Variants in GBE1 observed in about 807,000 individuals in gnomAD.
GBE1 encodes 1,4-alpha-glucan-branching enzyme.
GBE1 carries 70 observed loss-of-function variants against 88.8 expected under a neutral mutation model. That is an observed-to-expected ratio of 0.79 (90% CI 0.65 to 0.96). GBE1 has a LOEUF of 0.96. GBE1 is among the 40% of genes least tolerant of loss of function. The pLI is 0.00. For synonymous variants in GBE1, 284 were observed against 300.1 expected, an observed-to-expected ratio of 0.95 and a Z score of 0.56; for missense variants, 872 against 871.0, an observed-to-expected ratio of 1.00 and a Z score of -0.01.
intron 7 of GBE1, among the ~76,000 whole-genome samples, chr3:81,640,172 T>A (rs1051722126): frequency 6.6e-6 from 1 of 152,114 alleles, no homozygotes; most frequent in African/African-American, 2.4e-5. Context: ...CTTGATTGGA[T>A]TGAAGGATGC....
intron 1 of GBE1, among the ~76,000 whole-genome samples, chr3:81,746,356 A>G (rs745488191): frequency 1.3e-5 from 2 of 152,056 alleles, no homozygotes; most frequent in Non-Finnish European, 2.9e-5. Flanking sequence ...TTGACTTCCC[A>G]GGCTCAAGCA....
chr3:81,527,439 C>A lies in GBE1; in HGVS notation c.1934+7756G>T, dbSNP rs565465997. Among the ~76,000 whole-genome samples the A allele has an allele frequency of 7.2e-5, 11 of 152,078 alleles. 1 individual carries two copies. The South Asian group carries it at 2.3e-3, about 32-fold the overall frequency. Reference sequence around the variant, plus strand: ...ACCATCAGAGTGAACAGGCAACTTACAGAATGGGAGAAAATTTTTGCAATC... The same window carrying A: ...ACCATCAGAGTGAACAGGCAACTTAAAGAATGGGAGAAAATTTTTGCAATC... On this transcript the variant is annotated intron_variant, in intron 14 of 15. Coordinates refer to ENST00000429644, the MANE Select transcript of GBE1 (RefSeq NM_000158.4).
At chr3:81,670,581 A>G (rs942098999) in intron 3 of GBE1, among the ~76,000 whole-genome samples, 1 of 152,182 alleles carries the variant, frequency 6.6e-6, no homozygotes, top group Non-Finnish European at 1.5e-5. Flanking sequence ...CACTTTTAAT[A>G]TATCATTTCT....
At chr3:81,572,470 G>T (rs867808554) in intron 12 of GBE1, among the ~76,000 whole-genome samples, 23 of 151,914 alleles carry the variant, frequency 1.5e-4, no homozygotes, top group Middle Eastern at 6.8e-3. Flanking sequence ...TTTTTAAGCA[G>T]GTTATTTTTT....
rs963268604 is a variant in GBE1, at chr3:81,609,900, G to T, written c.993-15877C>A. 1.2e-4 allele frequency among the ~76,000 whole-genome samples: 19 copies of T among 152,182 alleles called. 1 individual carries two copies. The highest frequency in any genetic ancestry group is 4.6e-4 in the African/African-American group (19 of 41,540). ...GAGCTCAAATTTGGCACTCAGACTT[G>T]TTACTAACATAAAAACGTGATTGAA... On this transcript the variant is annotated intron_variant, in intron 7 of 15. Transcript: ENST00000429644.
At chr3:81,548,317 G>A (rs1445301904) in intron 12 of GBE1, among the ~76,000 whole-genome samples, 4 of 151,426 alleles carry the variant, frequency 2.6e-5, no homozygotes, top group Admixed American at 2.6e-4. Context: ...ATGTCAATGA[G>A]TTTTATTAAG....
intron 7 of GBE1, among the ~76,000 whole-genome samples, chr3:81,616,270 A>G (rs1353646127): frequency 6.6e-6 from 1 of 152,186 alleles, no homozygotes; most frequent in African/African-American, 2.4e-5. Flanking sequence ...TCTCATGTCA[A>G]GTCTAAGAAC....
intron 12 of GBE1, among the ~76,000 whole-genome samples, chr3:81,564,323 T>C (rs1248601682): frequency 6.6e-6 from 1 of 151,946 alleles, no homozygotes; most frequent in Non-Finnish European, 1.5e-5. Context: ...TTCCTATGGT[T>C]CTCACTCCAT....
intron 7 of GBE1, among the ~76,000 whole-genome samples, chr3:81,602,886 A>G (rs1483139486): frequency 6.6e-6 from 1 of 152,158 alleles, no homozygotes; most frequent in Non-Finnish European, 1.5e-5. Context: ...AGCAGCACAC[A>G]TATCTAGAAA....
At chr3:81,535,522 G>A (rs1314537679) in intron 13 of GBE1, among the ~76,000 whole-genome samples, 197 bp from the exon 14 acceptor site, 3 of 151,982 alleles carry the variant, frequency 2.0e-5, no homozygotes, top group South Asian at 2.1e-4. Context: ...GTTTAGTGGA[G>A]TATACAAAGC....
intron 7 of GBE1, among the ~76,000 whole-genome samples, chr3:81,614,944 G>A (rs553741477): frequency 2.6e-5 from 4 of 152,040 alleles, no homozygotes; most frequent in South Asian, 2.1e-4. Context: ...TGGGAGAATC[G>A]TCTGAGCCCA....
intron 1 of GBE1, among the ~76,000 whole-genome samples, chr3:81,720,378 A>C (rs909160564): frequency 2.7e-5 from 4 of 150,630 alleles, no homozygotes; most frequent in African/African-American, 9.8e-5. Context: ...ATATATATAT[A>C]TATCTTATAT....
At chr3:81,580,875 C>T (rs1202336016) in intron 11 of GBE1, among the ~76,000 whole-genome samples, 2 of 152,042 alleles carry the variant, frequency 1.3e-5, no homozygotes, top group Admixed American at 6.6e-5. Context: ...CAAGGGAAAA[C>T]ATATAATACT....
chr3:81,692,740 AAACT>A (rs1479693794), intron 2 of GBE1, among the ~76,000 whole-genome samples: 1 of 152,234 alleles, frequency 6.6e-6, no homozygotes, highest in Non-Finnish European at 1.5e-5. Flanking sequence ...AGTTAAATAC[AAACT>A]AACTATAAAT....
At chr3:81,513,337 G>A (rs1006983213) in intron 14 of GBE1, among the ~76,000 whole-genome samples, 1 of 151,534 alleles carries the variant, frequency 6.6e-6, no homozygotes, top group Non-Finnish European at 1.5e-5. Context: ...GATTTAACAG[G>A]GAACAGAAGA....
intron 1 of GBE1, among the ~76,000 whole-genome samples, chr3:81,718,393 T>A (rs1354217584): frequency 6.6e-6 from 1 of 152,218 alleles, no homozygotes; most frequent in East Asian, 1.9e-4. Flanking sequence ...ACTTACTATG[T>A]TCCAGGCATT....
At chr3:81,707,010 A>G (rs1188103373) in intron 1 of GBE1, among the ~76,000 whole-genome samples, 1 of 152,032 alleles carries the variant, frequency 6.6e-6, no homozygotes, top group African/African-American at 2.4e-5. Flanking sequence ...AAAAAAAATG[A>G]TCCAAATATG....
At chr3:81,634,850 G>C (rs1405477586) in intron 7 of GBE1, among the ~76,000 whole-genome samples, 2 of 152,050 alleles carry the variant, frequency 1.3e-5, no homozygotes, top group Non-Finnish European at 2.9e-5. Flanking sequence ...AGCATGGTAG[G>C]GACTAGATGA....
intron 2 of GBE1, among the ~76,000 whole-genome samples, chr3:81,684,051 T>A (rs923040752): frequency 3.9e-5 from 6 of 152,334 alleles, no homozygotes; most frequent in African/African-American, 1.4e-4. Context: ...CCTTAGTGCT[T>A]GACATTCGAC....
Sources: gnomAD v4.1 joint callset for allele counts (sites outside exome capture counted in the v4.1 genomes callset) on GRCh38, gnomAD v4.1.1 for gene constraint, MANE v1.5 for transcripts, NCBI Gene and HGNC (gene_info 2026-07-23, HGNC 2026-07-21) for gene names.